The following LCA5L variants were observed in gnomAD, a reference collection of about 807,000 sequenced individuals.
LCA5L encodes the protein lebercilin LCA5 like, also known as lebercilin-like protein.
In LCA5L, 35 loss-of-function variants were observed where a neutral mutation model predicts 45.4. The observed-to-expected ratio is 0.77, with a 90% CI of 0.59 to 1.02. The LOEUF is 1.02. LCA5L is among the 50% of genes least tolerant of loss of function. The pLI is 0.00. For synonymous variants in LCA5L, 233 were observed against 264.7 expected (o/e 0.88, Z 1.16); for missense variants, 668 against 761.6 (o/e 0.88, Z 1.45).
chr21:39,431,338 C>A (rs2148029219), intron 3 of LCA5L, among the ~76,000 whole-genome samples: 1 of 152,112 alleles, frequency 6.6e-6, no homozygotes. Flanking sequence ...AAAAATCTGT[C>A]AATGTTTCAG....
chr21:39,445,538 C>T (rs2077391660), intron 1 of LCA5L, 187 bp downstream of exon 1: 1 of 152,714 alleles, frequency 6.5e-6, no homozygotes, highest in Non-Finnish European at 1.5e-5. Flanking sequence ...GGTAGCTGTT[C>T]CTTGGCAAAC....
At chr21:39,436,052 G>A (rs573028171) in intron 2 of LCA5L, 62 of 152,348 alleles carry the variant, frequency 4.1e-4, no homozygotes, top group African/African-American at 1.5e-3. Context: ...GCCATACACA[G>A]CAGTGCCTTT....
rs768556100 is a variant in LCA5L at position 39,410,321 on chromosome 21, G to C, written c.1107C>G (p.Phe369Leu). 1 of 1,611,060 alleles carries C rather than the reference G, an allele frequency of 6.2e-7. No individual in the cohort carries two copies. Among genetic ancestry groups the C allele is most frequent in the Admixed American group, 1.7e-5 (1 of 59,396 alleles). Residue 369 changes from phenylalanine (F) to leucine (L), a missense_variant, in exon 9 of 11, where the codon TTC (phenylalanine) becomes TTG (leucine). Physicochemically the swap from Phe to Leu is conservative, Grantham distance 22. Coordinates refer to ENST00000288350, the MANE Select transcript of LCA5L (RefSeq NM_152505.4). Reference sequence around the variant, plus strand: ...GGGTTCCCTGGTGTCTCATACTTGTGAATGGCAAAATTTTTCTGTCTGCTT... The same window carrying C: ...GGGTTCCCTGGTGTCTCATACTTGTCAATGGCAAAATTTTTCTGTCTGCTT... ...SVQADRKILP[F>L]TSMRHQGTQK...
At chr21:39,443,601 C>T (rs2148355761) in intron 2 of LCA5L, 2 of 152,352 alleles carry the variant, frequency 1.3e-5, no homozygotes, top group South Asian at 4.1e-4. Flanking sequence ...GAGATCAAAT[C>T]TGAGGAAAAT....
chr21:39,421,515 A>C (rs1020706419), intron 6 of LCA5L: 8 of 152,234 alleles, frequency 5.3e-5, no homozygotes, highest in Non-Finnish European at 8.8e-5. Flanking sequence ...GATGGACTGT[A>C]AGACAATGAA....
chr21:39,429,254 A>G (rs1266540943), intron 3 of LCA5L, 43 bp from the exon 4 acceptor site: 1 of 152,184 alleles, frequency 6.6e-6, no homozygotes, highest in African/African-American at 2.4e-5. Flanking sequence ...CTGGCATTAG[A>G]TCCTTTGCAA....
chr21:39,435,985 T>C (rs1394545427), intron 2 of LCA5L: 1 of 152,172 alleles, frequency 6.6e-6, no homozygotes, highest in Admixed American at 6.5e-5. Context: ...TGGCAGTTGA[T>C]TGGGAAATTC....
intron 1 of LCA5L, among the ~76,000 whole-genome samples, chr21:39,445,271 C>T (rs975391358): frequency 2.0e-5 from 3 of 152,018 alleles, no homozygotes; most frequent in Non-Finnish European, 2.9e-5. Flanking sequence ...GAGATGCCAG[C>T]GCTAAGGTTA....
intron 5 of LCA5L, chr21:39,426,088 T>C (rs1020565241): frequency 3.3e-5 from 5 of 152,232 alleles, no homozygotes; most frequent in Non-Finnish European, 7.3e-5. Flanking sequence ...CTTCTTTGTG[T>C]GAGGCCCTTT....
At chr21:39,417,840 A>T (rs2041526616) in intron 7 of LCA5L, among the ~76,000 whole-genome samples, 1 of 152,094 alleles carries the variant, frequency 6.6e-6, no homozygotes, top group African/African-American at 2.4e-5. Flanking sequence ...ATCTCCGCTC[A>T]CTGCAAGCTC....
chr21:39,422,271 T>C (rs938999620), intron 6 of LCA5L: 1 of 152,278 alleles, frequency 6.6e-6, no homozygotes, highest in Non-Finnish European at 1.5e-5. Context: ...TGTTTATGTC[T>C]ATACAGACTC....
chr21:39,428,180 T>G lies in LCA5L; in HGVS notation c.314A>C (p.Gln105Pro). Reference protein sequence around the residue: ...KKKYNVSKISQSKGQKEISVE... With the variant: ...KKKYNVSKISPSKGQKEISVE... ...GAAATTTTACTCCTTACCTTTAGATTGGGAGATTTTAGAAACATTATACTT... is the reference window on the plus strand; with the variant it reads ...GAAATTTTACTCCTTACCTTTAGATGGGGAGATTTTAGAAACATTATACTT... Residue 105 changes from glutamine to proline, a missense_variant, in exon 5 of 11, where the codon CAA becomes CCA. Gln to Pro is a moderately conservative substitution (Grantham distance 76). Coordinates refer to ENST00000288350, the MANE Select transcript of LCA5L (RefSeq NM_152505.4). 6.4e-7 allele frequency: 1 copy of G among 1,571,778 alleles called. No homozygotes were observed. The highest frequency in any genetic ancestry group is 8.7e-7 in the Non-Finnish European group (1 of 1,154,736).
At chr21:39,419,947 T>C (rs772754675) in intron 7 of LCA5L, among the ~76,000 whole-genome samples, 14 of 152,178 alleles carry the variant, frequency 9.2e-5, no homozygotes, top group Non-Finnish European at 1.9e-4. Flanking sequence ...TTCAAACACA[T>C]TTTTAAGTAA....
intron 5 of LCA5L, among the ~76,000 whole-genome samples, chr21:39,424,065 T>A (rs1399034766): frequency 6.6e-6 from 1 of 151,906 alleles, no homozygotes; most frequent in Non-Finnish European, 1.5e-5. Flanking sequence ...CAGGCTGGAG[T>A]GTAGTGGTGC....
intron 2 of LCA5L, among the ~76,000 whole-genome samples, chr21:39,440,137 A>G (rs991212525): frequency 3.9e-5 from 6 of 152,180 alleles, no homozygotes; most frequent in African/African-American, 1.4e-4. Context: ...GCCTAGAATC[A>G]ACGACACCCC....
Position 39,409,887 on chromosome 21 carries a change from C to G in LCA5L, c.1282+92G>C, listed in dbSNP as rs1049811639. 2 of 730,952 alleles carry G rather than the reference C, an allele frequency of 2.7e-6. No individual in the cohort carries two copies. The highest frequency in any genetic ancestry group is 4.5e-6 in the Non-Finnish European group (2 of 446,122). 45.3% of individuals were successfully genotyped at this position (730,952 alleles called of 1,614,324 possible). The stretch of plus-strand genomic sequence containing the variant: ...GGGATTACAGGTGCGAGCTGCCATG[C>G]CCAGCTGTTTTATGTGTGCTTTATA... On this transcript the variant is annotated intron_variant, in intron 10 of 10. Transcript: ENST00000288350. The surrounding 1 kb of genome is among the most constrained non-coding windows in gnomAD (Gnocchi z 4.2).
intron 2 of LCA5L, among the ~76,000 whole-genome samples, chr21:39,441,229 T>G (rs1385361938): frequency 6.6e-6 from 1 of 152,046 alleles, no homozygotes; most frequent in Admixed American, 6.6e-5. Flanking sequence ...GCCCAGGAAG[T>G]CAAGGCCGCA....
At chr21:39,416,121 AC>A (rs1379159207) in intron 7 of LCA5L, among the ~76,000 whole-genome samples, 2 of 152,114 alleles carry the variant, frequency 1.3e-5, no homozygotes, top group African/African-American at 4.8e-5. Flanking sequence ...GGAGGATCTT[AC>A]CCCCTCACAA....
At chr21:39,414,730 C>CTGTGTG in intron 7 of LCA5L, among the ~76,000 whole-genome samples, 1 of 113,496 alleles carries the variant, frequency 8.8e-6, no homozygotes, top group African/African-American at 3.8e-5. Flanking sequence ...CTCTCTCTCT[C>CTGTGTG]TCTCTCTCTC....
Sources: gnomAD v4.1 joint callset for allele counts (sites outside exome capture counted in the v4.1 genomes callset) on GRCh38, gnomAD v4.1.1 for gene constraint, Gnocchi (gnomAD v3.1) non-coding constraint, MANE v1.5 for transcripts, NCBI Gene and HGNC (gene_info 2026-07-23, HGNC 2026-07-21) for gene names.